The following IL5RA variants were observed in gnomAD, a reference collection of about 807,000 sequenced individuals.
IL5RA encodes the protein interleukin 5 receptor subunit alpha, also known as interleukin-5 receptor subunit alpha.
Under a neutral mutation model 50.0 loss-of-function variants are expected in IL5RA, and 49 were observed. The ratio of observed to expected loss-of-function variants is 0.98; its 90% CI spans 0.78 to 1.24. The LOEUF (loss-of-function observed/expected upper bound fraction) is 1.24, where lower values mean the gene tolerates loss of function less well. Ranked by LOEUF, IL5RA falls within the 50% of genes most tolerant of loss-of-function variation. The probability of loss-of-function intolerance (pLI) is 0.00; values close to 1 mark genes in which losing one functional copy is unlikely to be tolerated. For missense variants in IL5RA, 600 were observed against 500.4 expected, an observed-to-expected ratio of 1.20 and a Z score of -1.90; for synonymous variants, 202 against 174.0, an observed-to-expected ratio of 1.16 and a Z score of -1.26.
intron 3 of IL5RA, 139 bp downstream of exon 3, chr3:3,104,764 T>C (rs917225265): frequency 2.0e-6 from 1 of 492,480 alleles, no homozygotes; most frequent in Non-Finnish European, 3.7e-6. Flanking sequence ...AAAGCATCTG[T>C]CTTCTGATGG....
At chr3:3,097,104 T>G (rs1283592422) in intron 7 of IL5RA, among the ~76,000 whole-genome samples, 1 of 152,222 alleles carries the variant, frequency 6.6e-6, no homozygotes, top group Non-Finnish European at 1.5e-5. Context: ...TAACTAAGAA[T>G]GCCATGTGAG....
At chr3:3,077,439 G>A (rs1442908766) in intron 9 of IL5RA, among the ~76,000 whole-genome samples, 1 of 152,160 alleles carries the variant, frequency 6.6e-6, no homozygotes, top group African/African-American at 2.4e-5. Flanking sequence ...GCTTTGGGGT[G>A]TGTAATTTTT....
At chr3:3,073,346 C>G (rs1702365500) in intron 11 of IL5RA, among the ~76,000 whole-genome samples, 2 of 152,092 alleles carry the variant, frequency 1.3e-5, no homozygotes, top group Admixed American at 1.3e-4. Flanking sequence ...ACTGTTTGAT[C>G]TAAATCAAGG....
chr3:3,081,299 C>T (rs541769549), intron 9 of IL5RA, among the ~76,000 whole-genome samples: 41 of 152,244 alleles, frequency 2.7e-4, no homozygotes, highest in African/African-American at 9.6e-4. Context: ...ATTTCCCAGT[C>T]GATTTCCTGA....
intron 2 of IL5RA, among the ~76,000 whole-genome samples, chr3:3,105,271 T>C (rs1703854623): frequency 6.6e-6 from 1 of 152,188 alleles, no homozygotes; most frequent in South Asian, 2.1e-4. Context: ...CAGAGACTTC[T>C]GATTTGCCAT....
At position 3,102,826 on chromosome 3, in the gene IL5RA, G is replaced by C. The variant is rs1168419352; in HGVS notation, c.83-6C>G. ...GACAGGTGGGAGAAGTGAAACTGTTGATTCAAAGAATAAAGAAACAACACA... is the reference window on the plus strand; with the variant it reads ...GACAGGTGGGAGAAGTGAAACTGTTCATTCAAAGAATAAAGAAACAACACA... On this transcript the variant is annotated splice_region_variant and splice_polypyrimidine_tract_variant and intron_variant, in intron 3 of 11. Coordinates refer to ENST00000446632, the MANE Select transcript of IL5RA (RefSeq NM_175726.4). 6.3e-7 allele frequency: 1 copy of C among 1,594,466 alleles called. No homozygotes were observed. Among genetic ancestry groups the C allele is most frequent in the Admixed American group, 1.8e-5 (1 of 54,464 alleles).
At chr3:3,093,347 G>A (rs777816854) in intron 8 of IL5RA, among the ~76,000 whole-genome samples, 1 of 152,172 alleles carries the variant, frequency 6.6e-6, no homozygotes, top group Non-Finnish European at 1.5e-5. Context: ...ACTGGCTTGT[G>A]ATGGGCTAAA....
At chr3:3,104,833 A>T (rs1703830246) in intron 3 of IL5RA, 70 bp downstream of exon 3, 2 of 946,754 alleles carry the variant, frequency 2.1e-6, no homozygotes, top group East Asian at 5.2e-5. Context: ...GTTTAAGAGG[A>T]AATAATGTTA....
Position 3,092,098 on chromosome 3 carries a change from A to C in IL5RA, c.994+126T>G. 6.9e-7 allele frequency: 1 copy of C among 1,457,252 alleles called. No homozygotes were observed. The highest frequency in any genetic ancestry group is 9.0e-7 in the Non-Finnish European group (1 of 1,110,778). 90.3% of individuals were successfully genotyped at this position (1,457,252 alleles called of 1,614,324 possible). A position where few individuals can be genotyped will look rare whatever the true frequency, so the allele number is the denominator to read the frequency against. Reference sequence around the variant, plus strand: ...CTGATTGAAAAGGCAGTAGACCGAGAGAAAATTAGTCACAATAGAGATATG... The same window carrying C: ...CTGATTGAAAAGGCAGTAGACCGAGCGAAAATTAGTCACAATAGAGATATG... On this transcript the variant is annotated intron_variant, in intron 9 of 11. Coordinates refer to ENST00000446632, the MANE Select transcript of IL5RA (RefSeq NM_175726.4). This position sits in a 1 kb window ranked among gnomAD's most constrained non-coding sequence, Gnocchi z 4.2.
chr3:3,070,281 C>T lies in IL5RA; in HGVS notation c.1207G>A (p.Val403Ile). 6.2e-7 allele frequency: 1 copy of T among 1,613,248 alleles called. No homozygotes were observed. Among genetic ancestry groups the T allele is most frequent in the South Asian group, 1.1e-5 (1 of 90,990 alleles). Residue 403 changes from valine to isoleucine, a missense_variant, in exon 12 of 12, where the codon GTC becomes ATC. Val to Ile is a conservative substitution (Grantham distance 29, BLOSUM62 3). Coordinates refer to ENST00000446632, the MANE Select transcript of IL5RA (RefSeq NM_175726.4). ...KAGSSETEIEVICYIEKPGVE... is the reference protein window; with the variant it reads ...KAGSSETEIEIICYIEKPGVE... Reference sequence around the variant, plus strand: ...CCAGGCTTCTCTATATAACAGATGACTTCAATTTCCGTCTCACTGGACCCA... The same window carrying T: ...CCAGGCTTCTCTATATAACAGATGATTTCAATTTCCGTCTCACTGGACCCA...
rs112782582 is a variant in IL5RA, at chr3:3,095,717, C to A, written c.710-273G>T. Among the ~76,000 whole-genome samples the A allele has an allele frequency of 5.7e-3, 868 of 151,894 alleles. 8 individuals carry two copies. The highest frequency in any genetic ancestry group is 0.02 in the Middle Eastern group (6 of 294). Reference sequence around the variant, plus strand: ...AGTTGAATGCTTGAATTACTTCCCCCCCTCAGCTCATTGCAAGACTCACCC... The same window carrying A: ...AGTTGAATGCTTGAATTACTTCCCCACCTCAGCTCATTGCAAGACTCACCC... On this transcript the variant is annotated intron_variant, in intron 7 of 11. Coordinates refer to ENST00000446632, the MANE Select transcript of IL5RA (RefSeq NM_175726.4).
intron 9 of IL5RA, among the ~76,000 whole-genome samples, chr3:3,084,919 C>T (rs993279965): frequency 2.6e-5 from 4 of 152,274 alleles, no homozygotes; most frequent in Non-Finnish European, 4.4e-5. Context: ...GCCATCCCTC[C>T]ATGAGGCAGA....
chr3:3,093,281 C>G (rs1299604662), intron 8 of IL5RA, among the ~76,000 whole-genome samples: 1 of 152,188 alleles, frequency 6.6e-6, no homozygotes, highest in Non-Finnish European at 1.5e-5. Flanking sequence ...ACCATACTCT[C>G]TCAAGCATAA....
At chr3:3,071,329 A>C (rs1574972015) in intron 11 of IL5RA, among the ~76,000 whole-genome samples, 2 of 152,258 alleles carry the variant, frequency 1.3e-5, no homozygotes, top group African/African-American at 4.8e-5. Context: ...CAGTCTCATA[A>C]ATTGAAAGCT....
chr3:3,093,764 G>T, intron 8 of IL5RA, among the ~76,000 whole-genome samples: 1 of 152,206 alleles, frequency 6.6e-6, no homozygotes, highest in East Asian at 1.9e-4. Flanking sequence ...GGGCAAGTAT[G>T]TCACAAGATT....
chr3:3,094,700 C>T (rs1156544216), intron 8 of IL5RA, among the ~76,000 whole-genome samples: 1 of 151,916 alleles, frequency 6.6e-6, no homozygotes, highest in Non-Finnish European at 1.5e-5. Flanking sequence ...TTTATAGTAG[C>T]TGCATTATTT....
chr3:3,098,031 T>C lies in IL5RA; in HGVS notation c.548A>G (p.Gln183Arg), dbSNP rs1053861481. 10 of 1,614,196 alleles carry C rather than the reference T, an allele frequency of 6.2e-6. No homozygotes were observed. The highest frequency in any genetic ancestry group is 8.5e-6 in the Non-Finnish European group (10 of 1,180,036). ...CCCCAGTGTGTCTTTGCTGTATTCT[T>C]GGCATTCTTCAGTCCAAGAGCCATA... Reference protein sequence around the residue: ...YRYGSWTEECQEYSKDTLGRN... With the variant: ...YRYGSWTEECREYSKDTLGRN... The change falls in exon 7 of 12, where the codon CAA (glutamine) becomes CGA (arginine). Residue 183 changes from glutamine to arginine, a missense_variant. Coordinates refer to ENST00000446632, the MANE Select transcript of IL5RA (RefSeq NM_175726.4).
rs1290021507 is a variant in IL5RA, at chr3:3,090,307, T to G, written c.994+1917A>C. On this transcript the variant is annotated intron_variant, in intron 9 of 11. Transcript: ENST00000446632. ...TCTGGGGATACACAATCAATCCTTG[T>G]AAAGGCTGAATGTTAAACCTGGGCT... The G allele has an allele frequency of 3.0e-6, 4 of 1,314,868 alleles. No homozygotes were observed. The East Asian group carries it at 9.2e-5, about 30-fold the overall frequency. The allele number at this position is 1,314,868 out of a possible 1,614,324, so 81.5% of individuals were successfully genotyped here.
At position 3,110,173 on chromosome 3, in the gene IL5RA, G is replaced by A. The variant is rs1704116192; in HGVS notation, c.-374C>T. ...GAGCAACTGTGCAGGAGCTGAACTG[G>A]AACTCCCAACAACCAAACTGCTGTC... On this transcript the variant is annotated 5_prime_UTR_variant, in exon 1 of 12. Coordinates refer to ENST00000446632, the MANE Select transcript of IL5RA (RefSeq NM_175726.4). The A allele has an allele frequency of 6.6e-6, 1 of 152,212 alleles. No individual in the cohort carries two copies. The highest frequency in any genetic ancestry group is 1.5e-5 in the Non-Finnish European group (1 of 68,044). The allele number at this position is 152,212 out of a possible 1,614,324, so 9.4% of individuals were successfully genotyped here.
Sources: allele counts gnomAD v4.1 joint callset (sites outside exome capture counted in the v4.1 genomes callset), GRCh38; gene constraint gnomAD v4.1.1; non-coding constraint Gnocchi (gnomAD v3.1); transcripts MANE v1.5; gene names NCBI Gene and HGNC (gene_info 2026-07-23, HGNC 2026-07-21).